MINDY3: variants seen among roughly 807,000 people sequenced by gnomAD.
The protein encoded by MINDY3 is MINDY lysine 48 deubiquitinase 3, also known as ubiquitin carboxyl-terminal hydrolase MINDY-3.
MINDY3 carries 38 observed loss-of-function variants against 69.2 expected under a neutral mutation model. That is an observed-to-expected ratio of 0.55 (90% CI 0.42 to 0.72). The LOEUF (loss-of-function observed/expected upper bound fraction) is 0.72, where lower values mean the gene tolerates loss of function less well. Ranked by LOEUF, MINDY3 falls within the 30% of genes least tolerant of loss-of-function variation. The pLI is 0.00. For missense variants in MINDY3, 522 were observed against 519.0 expected (o/e 1.01, Z -0.06); for synonymous variants, 192 against 180.1 (o/e 1.07, Z -0.53).
At chr10:15,831,250 C>A (rs1840436592) in intron 8 of MINDY3, among the ~76,000 whole-genome samples, 1 of 152,136 alleles carries the variant, frequency 6.6e-6, no homozygotes, top group African/African-American at 2.4e-5. Context: ...AGAGTACGCC[C>A]AACCAATGAA....
chr10:15,786,584 G>T lies in MINDY3; in HGVS notation c.1093C>A (p.Leu365Ile), dbSNP rs1386888956. Residue 365 changes from leucine (L) to isoleucine (I), a missense_variant, in exon 13 of 15, where the codon CTT (leucine) becomes ATT (isoleucine). Leu to Ile is a conservative substitution (Grantham distance 5, BLOSUM62 2). Transcript: ENST00000277632. ...GLGIILLGPF[L>I]QEFFPDQGSS... ...ACCTGATCAGGAAAAAATTCTTGAAGAAATGGGCCCAATAATATGATTCCT... is the reference window on the plus strand; with the variant it reads ...ACCTGATCAGGAAAAAATTCTTGAATAAATGGGCCCAATAATATGATTCCT... 1.3e-6 allele frequency: 2 copies of T among 1,585,624 alleles called. No homozygotes were observed. Among genetic ancestry groups the T allele is most frequent in the African/African-American group, 1.4e-5 (1 of 74,020 alleles).
At chr10:15,859,354 C>T (rs1370192537) in intron 1 of MINDY3, among the ~76,000 whole-genome samples, 1 of 152,024 alleles carries the variant, frequency 6.6e-6, no homozygotes, top group Non-Finnish European at 1.5e-5. Flanking sequence ...AATTATTGAT[C>T]CTTCTGACTC....
chr10:15,808,878 A>G (rs1349979300), intron 10 of MINDY3, among the ~76,000 whole-genome samples: 1 of 152,180 alleles, frequency 6.6e-6, no homozygotes, highest in African/African-American at 2.4e-5. Context: ...TCTGAAGATG[A>G]AACTAGATGC....
intron 14 of MINDY3, among the ~76,000 whole-genome samples, chr10:15,780,698 A>C (rs1425530808): frequency 5.9e-5 from 9 of 152,220 alleles, no homozygotes; most frequent in African/African-American, 1.7e-4. Flanking sequence ...TATTTCTGTG[A>C]CTTAATGACA....
rs527773884 is a variant in MINDY3, at chr10:15,778,831, CA to C, written c.*160del. 1.1e-3 allele frequency: 649 copies of C among 567,172 alleles called. 5 individuals carry two copies. Among genetic ancestry groups the C allele is most frequent in the African/African-American group, 0.011 (588 of 52,560 alleles). The allele number at this position is 567,172 out of a possible 1,614,324, so 35.1% of individuals were successfully genotyped here. A position where few individuals can be genotyped will look rare whatever the true frequency, so the allele number is the denominator to read the frequency against. ...TAATCTTTAACATAAAGCTTTAGGA[CA>C]AATAATTTAAACATATCATAAACAC... On this transcript the variant is annotated 3_prime_UTR_variant, in exon 15 of 15. Transcript: ENST00000277632.
chr10:15,838,285 C>T lies in MINDY3; in HGVS notation c.410-6G>A. 1 of 1,599,306 alleles carries T rather than the reference C, an allele frequency of 6.3e-7. No homozygotes were observed. ...CTCTTCGACAGCCAAGGCAGCTATA[C>T]ATAAAAGACACTTTTCAGCACTACA... On this transcript the variant is annotated splice_region_variant and splice_polypyrimidine_tract_variant and intron_variant, in intron 4 of 14. Coordinates refer to ENST00000277632, the MANE Select transcript of MINDY3 (RefSeq NM_024948.4).
At position 15,846,844 on chromosome 10, in the gene MINDY3, C is replaced by T. The variant is rs573604235; in HGVS notation, c.174+1020G>A. Reference sequence around the variant, plus strand: ...GTTCACGCCATTCTCCTGTCTCAGCCTCCCAAGTAGCTGGGACTACAGGTG... The same window carrying T: ...GTTCACGCCATTCTCCTGTCTCAGCTTCCCAAGTAGCTGGGACTACAGGTG... On this transcript the variant is annotated intron_variant, in intron 2 of 14. Coordinates refer to ENST00000277632, the MANE Select transcript of MINDY3 (RefSeq NM_024948.4). 2.1e-4 allele frequency among the ~76,000 whole-genome samples: 32 copies of T among 152,074 alleles called. No homozygotes were observed. The East Asian group carries it at 4.8e-3, about 23-fold the overall frequency.
intron 1 of MINDY3, among the ~76,000 whole-genome samples, chr10:15,848,578 G>A (rs891522225): frequency 1.6e-5 from 2 of 126,688 alleles, no homozygotes; most frequent in South Asian, 2.7e-4. Context: ...AGCTTGCACT[G>A]AGCTGAGATT....
chr10:15,789,303 G>C lies in MINDY3; in HGVS notation c.972C>G (p.Pro324=). Residue 324 remains proline, a synonymous_variant, in exon 12 of 15, where the codon CCC becomes CCG. Transcript: ENST00000277632. ...TCATCACATCTTCCAGAAGTGAATC[G>C]GGTATGAATCCATTATCTAGGGGGG... ...TYDPEDNGFI[P]DSLLEDVMKA... 6.2e-7 allele frequency: 1 copy of C among 1,610,652 alleles called. No homozygotes were observed. Among genetic ancestry groups the C allele is most frequent in the Non-Finnish European group, 8.5e-7 (1 of 1,177,862 alleles).
chr10:15,850,210 G>A (rs1331632107), intron 1 of MINDY3, among the ~76,000 whole-genome samples: 1 of 152,106 alleles, frequency 6.6e-6, no homozygotes, highest in Non-Finnish European at 1.5e-5. Context: ...ATCTTCGTAA[G>A]CTGAGCATGT....
At position 15,833,673 on chromosome 10, in the gene MINDY3, A is replaced by G. The variant is rs1832886633; in HGVS notation, c.687T>C (p.Ala229=). The change falls in exon 8 of 15, where the codon GCT becomes GCC. Residue 229 remains alanine, a synonymous_variant. Coordinates refer to ENST00000277632, the MANE Select transcript of MINDY3 (RefSeq NM_024948.4). ...TATCACCATCCCATACATTAGAAAC[A>G]GCATGTCCCGTCAGCAGGAGATTAA... The part of the protein sequence containing the change: ...SLINLLLTGH[A]VSNVWDGDRE... The G allele has an allele frequency of 1.2e-6, 2 of 1,611,382 alleles. No individual in the cohort carries two copies. The highest frequency in any genetic ancestry group is 1.7e-6 in the Non-Finnish European group (2 of 1,177,750).
chr10:15,853,342 T>C (rs1834443351), intron 1 of MINDY3, among the ~76,000 whole-genome samples: 1 of 152,076 alleles, frequency 6.6e-6, no homozygotes, highest in Admixed American at 6.6e-5. Flanking sequence ...GTTACAATTA[T>C]TTACATGATA....
At chr10:15,809,775 G>A (rs1009356849) in intron 10 of MINDY3, among the ~76,000 whole-genome samples, 4 of 152,038 alleles carry the variant, frequency 2.6e-5, no homozygotes, top group Admixed American at 2.0e-4. Context: ...TGGCTTAGAT[G>A]CATTTCTCAC....
chr10:15,859,959 C>T (rs1345329225), intron 1 of MINDY3, among the ~76,000 whole-genome samples: 1 of 152,236 alleles, frequency 6.6e-6, no homozygotes, highest in African/African-American at 2.4e-5. Flanking sequence ...CCTCCCCAGC[C>T]GAAGGGCAGC....
chr10:15,830,716 G>C (rs1276068410), intron 8 of MINDY3, among the ~76,000 whole-genome samples: 2 of 152,218 alleles, frequency 1.3e-5, no homozygotes, highest in Admixed American at 1.3e-4. Context: ...CACCTTCAGG[G>C]AGAATGAGGG....
chr10:15,847,578 T>G (rs530267314), intron 2 of MINDY3, among the ~76,000 whole-genome samples: 1 of 152,124 alleles, frequency 6.6e-6, no homozygotes, highest in South Asian at 2.1e-4. Flanking sequence ...CTTAATAGGA[T>G]CTCTGTGTTA....
intron 1 of MINDY3, among the ~76,000 whole-genome samples, chr10:15,849,535 T>C (rs1834124085): frequency 6.6e-6 from 1 of 151,660 alleles, no homozygotes; most frequent in South Asian, 2.1e-4. Flanking sequence ...GCTGACGTAA[T>C]GAAAGCAACA....
At chr10:15,815,584 A>T (rs1042181874) in intron 10 of MINDY3, among the ~76,000 whole-genome samples, 1 of 152,230 alleles carries the variant, frequency 6.6e-6, no homozygotes, top group African/African-American at 2.4e-5. Context: ...ACAATTCTGT[A>T]TCTTCCTACG....
intron 3 of MINDY3, 40 bp from the exon 4 acceptor site, chr10:15,841,639 G>GA: frequency 2.2e-6 from 3 of 1,370,138 alleles, no homozygotes; most frequent in African/African-American, 1.5e-5. Flanking sequence ...GGTTTCCTCT[G>GA]GAAAAAAAAA....
Sources: gnomAD v4.1 joint callset for allele counts (sites outside exome capture counted in the v4.1 genomes callset) on GRCh38, gnomAD v4.1.1 for gene constraint, MANE v1.5 for transcripts, NCBI Gene and HGNC (gene_info 2026-07-23, HGNC 2026-07-21) for gene names.